The following LMO7 variants were observed in gnomAD, a reference collection of about 807,000 sequenced individuals.
LMO7 encodes the protein LIM domain only protein 7.
LMO7 carries 120 observed loss-of-function variants against 206.5 expected under a neutral mutation model. The observed-to-expected ratio is 0.58, with a 90% CI of 0.50 to 0.68. LMO7 has a LOEUF of 0.68. Among genes scored for constraint, LMO7 ranks in the 30% least tolerant of loss-of-function variants. The probability of loss-of-function intolerance (pLI) is 0.00; values close to 1 mark genes in which losing one functional copy is unlikely to be tolerated. For missense variants in LMO7, 1,959 were observed against 1,957.9 expected (o/e 1.00, Z -0.01); for synonymous variants, 706 against 681.5 (o/e 1.04, Z -0.56).
At chr13:75,744,909 C>T (rs368680719) in intron 3 of LMO7, among the ~76,000 whole-genome samples, 153 of 152,166 alleles carry the variant, frequency 1.0e-3, no homozygotes, top group African/African-American at 3.4e-3. Context: ...TGTCAGTTCC[C>T]GTGGAGAGTG....
intron 29 of LMO7, 136 bp from the exon 30 acceptor site, chr13:75,856,370 G>C: frequency 1.7e-6 from 1 of 591,418 alleles, no homozygotes; most frequent in Non-Finnish European, 3.0e-6. Context: ...TCATCTTTCG[G>C]CCTTTTTTTT....
intron 2 of LMO7, chr13:75,628,479 C>T (rs1425133938): frequency 1.3e-5 from 2 of 152,100 alleles, no homozygotes; most frequent in Non-Finnish European, 2.9e-5. Context: ...CTTTTTATTA[C>T]TGACACTGAA....
Position 75,822,904 on chromosome 13 carries a change from A to G in LMO7, c.2641-661A>G, listed in dbSNP as rs1408791236. Among the ~76,000 whole-genome samples, 4 of 150,952 alleles carry G rather than the reference A, an allele frequency of 2.6e-5. No homozygotes were observed. The East Asian group carries it at 7.8e-4, about 29-fold the overall frequency. On this transcript the variant is annotated intron_variant, in intron 14 of 30. Transcript: ENST00000377534. ...CTGTGCTATAAAAATAAAAGTTCCA[A>G]TTATAAAGAGTTATAGATATTTGTT...
intron 4 of LMO7, among the ~76,000 whole-genome samples, chr13:75,778,909 C>G (rs1043002610): frequency 6.6e-6 from 1 of 152,008 alleles, no homozygotes; most frequent in Non-Finnish European, 1.5e-5. Context: ...TTAGGAAGGT[C>G]CTGGAGGCAT....
At chr13:75,781,148 T>C (rs2051345550) in intron 4 of LMO7, among the ~76,000 whole-genome samples, 1 of 147,384 alleles carries the variant, frequency 6.8e-6, no homozygotes, top group Admixed American at 6.9e-5. Context: ...TTATTATACT[T>C]TAAGTTTTAG....
chr13:75,755,310 A>T (rs1356459864), intron 3 of LMO7, among the ~76,000 whole-genome samples: 1 of 152,170 alleles, frequency 6.6e-6, no homozygotes, highest in Admixed American at 6.5e-5. Flanking sequence ...TTATGGCGTC[A>T]TCTGCCTCTC....
At position 75,807,656 on chromosome 13, in the gene LMO7, T is replaced by G; in HGVS notation, c.1373T>G (p.Leu458Ter). Residue 458 changes from leucine to a stop codon, truncating the protein, a stop_gained, in exon 10 of 31, where the codon TTA (leucine) becomes TGA (stop). Coordinates refer to ENST00000377534, the MANE Select transcript of LMO7 (RefSeq NM_001306080.2). LOFTEE classifies it high-confidence loss of function. Reference protein sequence around the residue: ...DLEMAALDPDLENDDFFVRKT... With the variant: ...DLEMAALDPD ...GAGATGGCAGCCCTGGATCCTGACTTAGAGAATGATGATTTCTTTGTCAGA... is the reference window on the plus strand; with the variant it reads ...GAGATGGCAGCCCTGGATCCTGACTGAGAGAATGATGATTTCTTTGTCAGA... The G allele has an allele frequency of 6.2e-7, 1 of 1,613,998 alleles. No homozygotes were observed. The highest frequency in any genetic ancestry group is 8.5e-7 in the Non-Finnish European group (1 of 1,179,880).
At chr13:75,765,702 C>T (rs781072243) in intron 4 of LMO7, among the ~76,000 whole-genome samples, 3 of 152,100 alleles carry the variant, frequency 2.0e-5, no homozygotes, top group Non-Finnish European at 4.4e-5. Flanking sequence ...GTCCTAGCTG[C>T]AGGGAACGGT....
In LMO7 at chr13:75,804,809, G is replaced by T. The variant is rs181219282; in HGVS notation, c.914+268G>T. The T allele has an allele frequency of 4.4e-5, 51 of 1,147,742 alleles. 1 individual carries two copies. The East Asian group carries it at 1.2e-3, about 28-fold the overall frequency. The allele number at this position is 1,147,742 out of a possible 1,614,324, so 71.1% of individuals were successfully genotyped here. On this transcript the variant is annotated intron_variant, in intron 8 of 30. Coordinates refer to ENST00000377534, the MANE Select transcript of LMO7 (RefSeq NM_001306080.2). Reference sequence around the variant, plus strand: ...TATTTTTCAGCTTACCAGATAATTTGTATTGTTCATGATGAGCCATGCCAT... The same window carrying T: ...TATTTTTCAGCTTACCAGATAATTTTTATTGTTCATGATGAGCCATGCCAT...
At chr13:75,752,239 T>C (rs970890896) in intron 3 of LMO7, among the ~76,000 whole-genome samples, 1 of 152,016 alleles carries the variant, frequency 6.6e-6, no homozygotes, top group African/African-American at 2.4e-5. Flanking sequence ...TCAGCAATTA[T>C]CCTGCCTCAG....
chr13:75,635,028 C>A (rs2104300), upstream of LMO7, among the ~76,000 whole-genome samples: 55,431 of 135,496 alleles, frequency 0.41, 10,727 homozygotes, highest in East Asian at 0.56. Flanking sequence ...CAAAACAAAA[C>A]AAAACAAAAC....
At chr13:75,805,836 TATA>T (rs2055380097) in intron 9 of LMO7, 76 bp downstream of exon 9, 2 of 1,419,570 alleles carry the variant, frequency 1.4e-6, no homozygotes, top group African/African-American at 1.4e-5. Context: ...GCATGTTTTT[TATA>T]ATAATAAGAG....
At chr13:75,846,447 C>T (rs1434326608) in intron 26 of LMO7, among the ~76,000 whole-genome samples, 1 of 152,162 alleles carries the variant, frequency 6.6e-6, no homozygotes, top group Non-Finnish European at 1.5e-5. Context: ...GATCTGGTTC[C>T]TCTGGTCTTA....
intron 2 of LMO7, among the ~76,000 whole-genome samples, chr13:75,626,241 C>T (rs1300442740): frequency 6.6e-6 from 1 of 151,936 alleles, no homozygotes; most frequent in African/African-American, 2.4e-5. Context: ...AAGACATACC[C>T]GAGACTGGGA....
chr13:75,808,590 G>GA lies in LMO7; in HGVS notation c.1916+394dup, dbSNP rs567060659. Among the ~76,000 whole-genome samples, 379 of 152,228 alleles carry GA rather than the reference G, an allele frequency of 2.5e-3. 1 individual carries two copies. Among genetic ancestry groups the GA allele is most frequent in the African/African-American group, 8.6e-3 (357 of 41,544 alleles). On this transcript the variant is annotated intron_variant, in intron 10 of 30. Transcript: ENST00000377534. ...GAGTGTCTGATTTTTTTGGGGGGGT[G>GA]AAATTTTCCCTTAAAATATGGCATT... is the stretch of plus-strand genomic sequence containing the variant.
At chr13:75,713,066 A>G in intron 1 of LMO7, 116 bp from the exon 2 acceptor site, 1 of 592,042 alleles carries the variant, frequency 1.7e-6, no homozygotes, top group Non-Finnish European at 2.9e-6. Flanking sequence ...ATAACAGTCT[A>G]TATATGCAAA....
chr13:75,702,389 C>G (rs1245281399), intron 1 of LMO7, among the ~76,000 whole-genome samples: 1 of 152,152 alleles, frequency 6.6e-6, no homozygotes, highest in African/African-American at 2.4e-5. Context: ...AGACTTTTGA[C>G]CACTGTGAGA....
At chr13:75,635,613 C>T (rs534561399), upstream of LMO7, among the ~76,000 whole-genome samples, 1 of 152,264 alleles carries the variant, frequency 6.6e-6, no homozygotes, top group Admixed American at 6.5e-5. Context: ...GTGGGGAATG[C>T]AAGGAACCCT....
intron 1 of LMO7, among the ~76,000 whole-genome samples, chr13:75,697,345 C>G (rs1443683606): frequency 6.6e-6 from 1 of 152,120 alleles, no homozygotes; most frequent in East Asian, 1.9e-4. Flanking sequence ...TTCTACATGG[C>G]TGGGGAGGCC....
Sources: gnomAD v4.1 joint callset for allele counts (sites outside exome capture counted in the v4.1 genomes callset) on GRCh38, gnomAD v4.1.1 for gene constraint, MANE v1.5 for transcripts, NCBI Gene and HGNC (gene_info 2026-07-23, HGNC 2026-07-21) for gene names.